GRIP1: variants seen among roughly 807,000 people sequenced by gnomAD.
The protein encoded by GRIP1 is glutamate receptor-interacting protein 1.
GRIP1 carries 45 observed loss-of-function variants against 129.9 expected under a neutral mutation model. The observed-to-expected ratio is 0.35, with a 90% CI of 0.27 to 0.44. The LOEUF is 0.44. Among genes scored for constraint, GRIP1 ranks in the 20% least tolerant of loss-of-function variants. The pLI is 1.00. For synonymous variants in GRIP1, 530 were observed against 520.8 expected (o/e 1.02, Z -0.24); for missense variants, 1,196 against 1,396.8 (o/e 0.86, Z 2.29).
At position 66,394,308 on chromosome 12, in the gene GRIP1, T is replaced by G; in HGVS notation, c.2029A>C (p.Lys677Gln). Residue 677 changes from lysine (K) to glutamine (Q), a missense_variant, in exon 17 of 25, where the codon AAA (lysine) becomes CAA (glutamine). Lys to Gln is a moderately conservative substitution (Grantham distance 53). Transcript: ENST00000359742. ...ATGCCAAGGGGCCCCCCGTAGCGTT[T>G]AAGCTCCACGGTGTAAATAATTGCT... ...SGAIIYTVELKRYGGPLGITI... is the reference protein window; with the variant it reads ...SGAIIYTVELQRYGGPLGITI... 1.2e-6 allele frequency: 2 copies of G among 1,614,032 alleles called. No individual in the cohort carries two copies. Among genetic ancestry groups the G allele is most frequent in the Non-Finnish European group, 1.7e-6 (2 of 1,179,846 alleles).
At chr12:66,495,384 T>G (rs2060208986) in intron 7 of GRIP1, among the ~76,000 whole-genome samples, 1 of 152,182 alleles carries the variant, frequency 6.6e-6, no homozygotes, top group Non-Finnish European at 1.5e-5. Context: ...CCGTTCCACT[T>G]AATTAGCTTT....
intron 23 of GRIP1, among the ~76,000 whole-genome samples, chr12:66,353,917 C>A (rs1216044993): frequency 6.6e-6 from 1 of 152,114 alleles, no homozygotes; most frequent in Non-Finnish European, 1.5e-5. Flanking sequence ...CCGCAGCAGC[C>A]CTTTACAACT....
At chr12:66,423,356 A>C (rs1268149650) in intron 14 of GRIP1, among the ~76,000 whole-genome samples, 5 of 152,308 alleles carry the variant, frequency 3.3e-5, no homozygotes, top group Admixed American at 2.6e-4. Context: ...GAATTACATA[A>C]ATGTTTATTG....
rs143393234 is a variant in GRIP1 at position 66,615,047 on chromosome 12, T to C, written c.56-18120A>G. Among the ~76,000 whole-genome samples, 256 of 152,298 alleles carry C rather than the reference T, an allele frequency of 1.7e-3. 3 individuals are homozygous for C. The highest frequency in any genetic ancestry group is 3.0e-3 in the Non-Finnish European group (204 of 68,024). On this transcript the variant is annotated intron_variant, in intron 1 of 24. Coordinates refer to ENST00000359742, the MANE Select transcript of GRIP1 (RefSeq NM_001366722.1). ...AACACTTAGAACTATCTGAAATGTC[T>C]ATGTATTTACCTGTTTAATGTCTGT...
intron 1 of GRIP1, among the ~76,000 whole-genome samples, chr12:66,879,977 A>G (rs555589177): frequency 1.3e-5 from 2 of 152,250 alleles, no homozygotes; most frequent in Non-Finnish European, 1.5e-5. Flanking sequence ...TGAGGTGTCT[A>G]CACACAGTAG....
intron 2 of GRIP1, among the ~76,000 whole-genome samples, chr12:66,584,666 A>T (rs1347230259): frequency 1.3e-5 from 2 of 152,194 alleles, no homozygotes; most frequent in African/African-American, 4.8e-5. Context: ...GGGCCTCAGC[A>T]TTAGAAGGGT....
intron 7 of GRIP1, among the ~76,000 whole-genome samples, chr12:66,472,106 G>C (rs925481887): frequency 1.3e-5 from 2 of 152,356 alleles, no homozygotes; most frequent in African/African-American, 2.4e-5. Context: ...CAGCATTAAT[G>C]TACTATCAGG....
intron 1 of GRIP1, among the ~76,000 whole-genome samples, chr12:66,949,216 A>T (rs192440114): frequency 6.6e-6 from 1 of 152,334 alleles, no homozygotes; most frequent in Admixed American, 6.5e-5. Context: ...ATCCTATATA[A>T]TAATTTTAGA....
At chr12:66,622,731 T>A (rs1174073509) in intron 1 of GRIP1, among the ~76,000 whole-genome samples, 1 of 152,136 alleles carries the variant, frequency 6.6e-6, no homozygotes, top group Non-Finnish European at 1.5e-5. Flanking sequence ...CTAACTTCAA[T>A]GATCTGGAAT....
intron 1 of GRIP1, among the ~76,000 whole-genome samples, chr12:66,982,414 C>T (rs1430920081): frequency 6.6e-6 from 1 of 152,176 alleles, no homozygotes; most frequent in Non-Finnish European, 1.5e-5. Flanking sequence ...GACCTAGTGA[C>T]ACCTATAACA....
At chr12:66,948,244 T>G (rs2041702046) in intron 1 of GRIP1, among the ~76,000 whole-genome samples, 6 of 152,252 alleles carry the variant, frequency 3.9e-5, no homozygotes, top group Admixed American at 3.9e-4. Context: ...TGGAGGAGCA[T>G]GGACTTTTAG....
At chr12:66,399,914 T>C (rs1221723151) in intron 16 of GRIP1, among the ~76,000 whole-genome samples, 1 of 151,906 alleles carries the variant, frequency 6.6e-6, no homozygotes, top group African/African-American at 2.4e-5. Context: ...TGAACAACAC[T>C]CTCTACAGCT....
intron 3 of GRIP1, among the ~76,000 whole-genome samples, chr12:66,541,483 T>C (rs1310833314): frequency 2.0e-5 from 3 of 152,198 alleles, no homozygotes; most frequent in Non-Finnish European, 4.4e-5. Flanking sequence ...GATTGGAGTG[T>C]CTCCTTCCCA....
chr12:66,495,548 AC>A (rs1412816534), intron 7 of GRIP1, among the ~76,000 whole-genome samples: 1 of 152,198 alleles, frequency 6.6e-6, no homozygotes. Context: ...TGTACAAATT[AC>A]AAAAATGAAA....
intron 1 of GRIP1, among the ~76,000 whole-genome samples, chr12:66,902,767 T>C (rs11176482): frequency 0.26 from 39,518 of 152,134 alleles, 5,550 homozygotes; most frequent in East Asian, 0.45. Flanking sequence ...GAAATACTGA[T>C]GTTGTTGTTT....
At chr12:66,589,224 C>CTCTCTCTG (rs1555212945) in intron 2 of GRIP1, among the ~76,000 whole-genome samples, 5 of 145,400 alleles carry the variant, frequency 3.4e-5, no homozygotes, top group Admixed American at 7.0e-5. Flanking sequence ...CTCTCTCTCT[C>CTCTCTCTG]TCTGTCTGTC....
At chr12:66,534,497 G>A (rs79344988) in intron 4 of GRIP1, among the ~76,000 whole-genome samples, 3,768 of 151,998 alleles carry the variant, frequency 0.025, 153 homozygotes, top group African/African-American at 0.087. Flanking sequence ...GGCTCCTCAC[G>A]GCCCACTGGA....
intron 8 of GRIP1, 35 bp downstream of exon 8, chr12:66,465,240 C>CT: frequency 6.2e-7 from 1 of 1,602,216 alleles, no homozygotes; most frequent in East Asian, 2.2e-5. Flanking sequence ...GCCACTGCGC[C>CT]TGGCGGAAAA....
chr12:66,933,993 C>T (rs1432705815), intron 1 of GRIP1, among the ~76,000 whole-genome samples: 1 of 152,136 alleles, frequency 6.6e-6, no homozygotes, highest in Non-Finnish European at 1.5e-5. Flanking sequence ...AGCAGCATTA[C>T]TCATTCTCCT....
Sources: allele counts gnomAD v4.1 joint callset (sites outside exome capture counted in the v4.1 genomes callset), GRCh38; gene constraint gnomAD v4.1.1; transcripts MANE v1.5; gene names NCBI Gene and HGNC (gene_info 2026-07-23, HGNC 2026-07-21).